Variants in SLCO3A1 observed in about 807,000 individuals in gnomAD.
SLCO3A1 encodes PGE1 transporter.
SLCO3A1 carries 27 observed loss-of-function variants against 63.1 expected under a neutral mutation model. That is an observed-to-expected ratio of 0.43 (90% CI 0.32 to 0.59). SLCO3A1 has a LOEUF of 0.59. SLCO3A1 is among the 20% of genes least tolerant of loss of function. The pLI is 0.09. For missense variants in SLCO3A1, 773 were observed against 945.8 expected (o/e 0.82, Z 2.40); for synonymous variants, 473 against 409.9 (o/e 1.15, Z -1.86).
rs1898512181 is a variant in SLCO3A1 at position 91,912,313 on chromosome 15, A to G, written c.181-3680A>G. ...AAAACATTAGCCTCTGATCTAATTG[A>G]TCCACAAAGCATCATTTCAGAATCT... On this transcript the variant is annotated intron_variant, in intron 1 of 9. Coordinates refer to ENST00000318445, the MANE Select transcript of SLCO3A1 (RefSeq NM_013272.4). The surrounding 1 kb of genome is among the most constrained non-coding windows in gnomAD (Gnocchi z 5.0). Among the ~76,000 whole-genome samples, 1 of 152,166 alleles carries G rather than the reference A, an allele frequency of 6.6e-6. No individual in the cohort carries two copies. Among genetic ancestry groups the G allele is most frequent in the Non-Finnish European group, 1.5e-5 (1 of 68,038 alleles).
chr15:91,887,490 A>G (rs553197766), intron 1 of SLCO3A1, among the ~76,000 whole-genome samples: 6 of 152,202 alleles, frequency 3.9e-5, no homozygotes, highest in Non-Finnish European at 8.8e-5. Context: ...CTGTGTGCAC[A>G]GGAGCCCTGC....
rs188006626 is a variant in SLCO3A1 at position 91,892,735 on chromosome 15, C to T, written c.181-23258C>T. On this transcript the variant is annotated intron_variant, in intron 1 of 9. Transcript: ENST00000318445. ...CTCTCTTTATAAATGTCCTTTAACA[C>T]GGGGCCTAGATTCCAGTTCTGATTC... is the stretch of plus-strand genomic sequence containing the variant. Among the ~76,000 whole-genome samples the T allele has an allele frequency of 1.4e-4, 22 of 152,306 alleles. No individual in the cohort carries two copies. In the Middle Eastern group the frequency reaches 0.01, roughly 72 times the overall value.
downstream of SLCO3A1, among the ~76,000 whole-genome samples, chr15:92,168,403 C>A (rs536199440): frequency 6.6e-6 from 1 of 152,356 alleles, no homozygotes; most frequent in Admixed American, 6.5e-5. Flanking sequence ...TGTGGGCCTG[C>A]AGTCTGTGTT....
rs189829441 is a variant in SLCO3A1, at chr15:92,033,581, C to T, written c.647-61300C>T. Among the ~76,000 whole-genome samples, 1 of 152,308 alleles carries T rather than the reference C, an allele frequency of 6.6e-6. No individual in the cohort carries two copies. Among genetic ancestry groups the T allele is most frequent in the East Asian group, 1.9e-4 (1 of 5,182 alleles). On this transcript the variant is annotated intron_variant, in intron 2 of 9. Transcript: ENST00000318445. This position sits in a 1 kb window ranked among gnomAD's most constrained non-coding sequence, Gnocchi z 4.5. ...GTTCAGCCCGAGCTTCCACAGCACA[C>T]CACATGCTAGCTTAAGAGCTGTGCA...
intron 2 of SLCO3A1, among the ~76,000 whole-genome samples, chr15:91,984,947 G>A (rs1432547254): frequency 1.3e-5 from 2 of 151,786 alleles, no homozygotes; most frequent in Non-Finnish European, 2.9e-5. Flanking sequence ...CTTTTTTTAA[G>A]TGAAATTTTT....
intron 2 of SLCO3A1, among the ~76,000 whole-genome samples, chr15:91,979,618 T>A (rs2045958721): frequency 6.6e-6 from 1 of 152,200 alleles, no homozygotes; most frequent in South Asian, 2.1e-4. Context: ...TTGCTGTCAC[T>A]TATCCTGGGT....
At chr15:91,892,409 A>G (rs1897893765) in intron 1 of SLCO3A1, among the ~76,000 whole-genome samples, 1 of 152,206 alleles carries the variant, frequency 6.6e-6, no homozygotes, top group Non-Finnish European at 1.5e-5. Context: ...TGCCCAGGCC[A>G]TGTACCCTGG....
intron 1 of SLCO3A1, among the ~76,000 whole-genome samples, chr15:91,868,156 G>C (rs1054521200): frequency 1.3e-5 from 2 of 151,808 alleles, no homozygotes; most frequent in Non-Finnish European, 2.9e-5. Flanking sequence ...GGTTCAAGTA[G>C]TTCTCCCGCC....
At chr15:92,024,111 A>C (rs1304868581) in intron 2 of SLCO3A1, among the ~76,000 whole-genome samples, 1 of 152,204 alleles carries the variant, frequency 6.6e-6, no homozygotes, top group Non-Finnish European at 1.5e-5. Flanking sequence ...TGGATTCACT[A>C]GGTTGCAAAA....
At chr15:92,018,023 G>A (rs1339827636) in intron 2 of SLCO3A1, among the ~76,000 whole-genome samples, 1 of 152,302 alleles carries the variant, frequency 6.6e-6, no homozygotes. Flanking sequence ...GATGGGAGGT[G>A]CCAGCGATGA....
chr15:92,035,186 G>A (rs778821520), intron 2 of SLCO3A1, among the ~76,000 whole-genome samples: 1 of 151,750 alleles, frequency 6.6e-6, no homozygotes, highest in Non-Finnish European at 1.5e-5. Flanking sequence ...TTTTCCAGGT[G>A]GCCTCATGAG....
At chr15:91,943,024 T>C (rs956262020) in intron 2 of SLCO3A1, among the ~76,000 whole-genome samples, 2 of 152,256 alleles carry the variant, frequency 1.3e-5, no homozygotes, top group Non-Finnish European at 2.9e-5. Context: ...TTGTAATTAA[T>C]TCAGGTCTCC....
In SLCO3A1 at chr15:91,912,111, C is replaced by T. The variant is rs1000193737; in HGVS notation, c.181-3882C>T. 2.6e-5 allele frequency among the ~76,000 whole-genome samples: 4 copies of T among 151,980 alleles called. No individual in the cohort carries two copies. Among genetic ancestry groups the T allele is most frequent in the African/African-American group, 7.3e-5 (3 of 41,346 alleles). ...CCTCTTGCAGTTATGGCTCCTTCTT[C>T]TCTAATTATCAAGACCTTCTCCATT... On this transcript the variant is annotated intron_variant, in intron 1 of 9. Transcript: ENST00000318445. The surrounding 1 kb of genome is among the most constrained non-coding windows in gnomAD (Gnocchi z 5.0).
chr15:92,137,592 T>C lies in SLCO3A1; in HGVS notation c.1512+9103T>C, dbSNP rs186358017. On this transcript the variant is annotated intron_variant, in intron 7 of 9. Coordinates refer to ENST00000318445, the MANE Select transcript of SLCO3A1 (RefSeq NM_013272.4). ...TGAACTAGTTCACAGTCCCACCAAC[T>C]GTGTAAAAGTGTTCCTATTTCTCCA... Among the ~76,000 whole-genome samples the C allele has an allele frequency of 2.0e-5, 2 of 99,000 alleles. 1 individual carries two copies. Among genetic ancestry groups the C allele is most frequent in the Non-Finnish European group, 3.8e-5 (2 of 52,114 alleles). The allele number at this position is 99,000 out of a possible 152,430, so 64.9% of individuals were successfully genotyped here. A position where few individuals can be genotyped will look rare whatever the true frequency, so the allele number is the denominator to read the frequency against.
At chr15:92,084,925 G>A (rs1053433371) in intron 2 of SLCO3A1, among the ~76,000 whole-genome samples, 5 of 152,210 alleles carry the variant, frequency 3.3e-5, no homozygotes, top group Admixed American at 6.5e-5. Flanking sequence ...AGGGCCAGGC[G>A]GAAGGAGGGA....
At chr15:92,141,153 C>T (rs2048126689) in intron 7 of SLCO3A1, among the ~76,000 whole-genome samples, 1 of 152,114 alleles carries the variant, frequency 6.6e-6, no homozygotes. Context: ...CCCGCCACCC[C>T]CCAAGTTTGG....
chr15:92,156,377 C>G (rs2048372033), intron 9 of SLCO3A1, among the ~76,000 whole-genome samples: 1 of 152,180 alleles, frequency 6.6e-6, no homozygotes, highest in Non-Finnish European at 1.5e-5. Flanking sequence ...CCTGATGTAC[C>G]TGCACCACCC....
intron 2 of SLCO3A1, among the ~76,000 whole-genome samples, chr15:91,958,462 C>T (rs1256728512): frequency 1.3e-5 from 2 of 152,194 alleles, no homozygotes; most frequent in African/African-American, 4.8e-5. Flanking sequence ...CTCCCATTTC[C>T]CAGTCGGGTA....
In SLCO3A1 at chr15:92,163,888, C is replaced by T. The variant is rs951314103; in HGVS notation, c.*753C>T. On this transcript the variant is annotated 3_prime_UTR_variant, in exon 10 of 10. Coordinates refer to ENST00000318445, the MANE Select transcript of SLCO3A1 (RefSeq NM_013272.4). ...GTGGGGGGCCAGCACCTCCCAGTGG[C>T]GGGCATCCACCTTCCCCCAGCCCCA... The T allele has an allele frequency of 8.3e-5, 82 of 985,494 alleles. No homozygotes were observed. Among genetic ancestry groups the T allele is most frequent in the African/African-American group, 1.0e-4 (6 of 57,238 alleles). 61.0% of individuals were successfully genotyped at this position (985,494 alleles called of 1,614,324 possible).
Sources: allele counts gnomAD v4.1 joint callset (sites outside exome capture counted in the v4.1 genomes callset), GRCh38; gene constraint gnomAD v4.1.1; non-coding constraint Gnocchi (gnomAD v3.1); transcripts MANE v1.5; gene names NCBI Gene and HGNC (gene_info 2026-07-23, HGNC 2026-07-21).